ERBB3: variants seen among roughly 807,000 people sequenced by gnomAD.
The protein encoded by ERBB3 is receptor tyrosine-protein kinase erbB-3.
A neutral mutation model predicts 156.7 loss-of-function variants in ERBB3; 96 were observed. The ratio of observed to expected loss-of-function variants is 0.61; its 90% confidence interval spans 0.52 to 0.73. ERBB3 has a LOEUF of 0.73. Among genes scored for constraint, ERBB3 ranks in the 30% least tolerant of loss-of-function variants. The pLI is 0.00. For synonymous variants in ERBB3, 567 were observed against 632.0 expected (o/e 0.90, Z 1.54); for missense variants, 1,406 against 1,709.4 (o/e 0.82, Z 3.13).
In ERBB3 at chr12:56,080,386, A is replaced by G. The variant is rs376243222; in HGVS notation, c.82+4A>G. On this transcript the variant is annotated splice_donor_region_variant and intron_variant, in intron 1 of 27. Coordinates refer to ENST00000267101, the MANE Select transcript of ERBB3 (RefSeq NM_001982.4). ...GAGGTGGGCAACTCTCAGGCAGGTA[A>G]GTGGCGCGAGAGCACCGGCGGGCTC... The G allele has an allele frequency of 1.2e-5, 19 of 1,589,058 alleles. No homozygotes were observed. The African/African-American group carries it at 2.5e-4, about 21-fold the overall frequency.
At chr12:56,100,277 G>A (rs2136826864) in intron 26 of ERBB3, 32 bp downstream of exon 26, 1 of 1,514,824 alleles carries the variant, frequency 6.6e-7, no homozygotes, top group Admixed American at 1.7e-5. Context: ...CTGGGTTTTA[G>A]GATCAGATTG....
intron 18 of ERBB3, 31 bp from the exon 19 acceptor site, chr12:56,096,717 C>T (rs370066418): frequency 6.2e-7 from 1 of 1,612,180 alleles, no homozygotes; most frequent in Non-Finnish European, 8.5e-7. Flanking sequence ...GGAGAATGAC[C>T]TTATGCCAAC....
chr12:56,093,312 G>A (rs1868776044), intron 11 of ERBB3, 33 bp from the exon 12 acceptor site: 3 of 1,571,088 alleles, frequency 1.9e-6, no homozygotes, highest in Non-Finnish European at 8.8e-7. Flanking sequence ...TCCCTTAGTA[G>A]TCTCTCCTCT....
chr12:56,087,596 T>G lies in ERBB3; in HGVS notation c.567T>G (p.Val189=), dbSNP rs1413859595. The change falls in exon 5 of 28, where the codon GTT becomes GTG. Residue 189 remains valine, a synonymous_variant. Coordinates refer to ENST00000267101, the MANE Select transcript of ERBB3 (RefSeq NM_001982.4). The part of the protein sequence containing the change: ...NGRSCPPCHE[V]CKGRCWGPGS... ...AACCAGGTCCCCCCTGTCATGAGGTTTGCAAGGGGCGATGCTGGGGTCCTG... is the reference window on the plus strand; with the variant it reads ...AACCAGGTCCCCCCTGTCATGAGGTGTGCAAGGGGCGATGCTGGGGTCCTG... The G allele has an allele frequency of 6.2e-7, 1 of 1,614,154 alleles. No individual in the cohort carries two copies. Among genetic ancestry groups the G allele is most frequent in the East Asian group, 2.2e-5 (1 of 44,890 alleles).
intron 21 of ERBB3, 198 bp downstream of exon 21, chr12:56,098,138 C>T (rs1008630886): frequency 1.6e-6 from 1 of 617,412 alleles, no homozygotes; most frequent in Non-Finnish European, 2.8e-6. Context: ...GGCGCGGTGG[C>T]TCACGCCTGT....
At chr12:56,086,772 A>C in intron 4 of ERBB3, 116 bp downstream of exon 4, 48 of 1,287,214 alleles carry the variant, frequency 3.7e-5, no homozygotes, top group Non-Finnish European at 4.8e-5. Flanking sequence ...CAAACACCTC[A>C]GGTCCCTGAC....
rs776770257 is a variant in ERBB3, at chr12:56,094,096, C to G, written c.1614-3C>G. On this transcript the variant is annotated splice_polypyrimidine_tract_variant and splice_region_variant and intron_variant, in intron 13 of 27. Coordinates refer to ENST00000267101, the MANE Select transcript of ERBB3 (RefSeq NM_001982.4). The stretch of plus-strand genomic sequence containing the variant: ...CCCCCCCTCCCTTTATTCCCCACTA[C>G]AGGGAGCCTCGAGAATTTGCCCATG... 1 of 1,611,908 alleles carries G rather than the reference C, an allele frequency of 6.2e-7. No individual in the cohort carries two copies. Among genetic ancestry groups the G allele is most frequent in the Non-Finnish European group, 8.5e-7 (1 of 1,178,150 alleles).
At chr12:56,097,340 T>A (rs1188842362) in intron 20 of ERBB3, 110 bp downstream of exon 20, 6 of 1,018,638 alleles carry the variant, frequency 5.9e-6, no homozygotes, top group Non-Finnish European at 9.1e-6. Flanking sequence ...ACCCCCGGGC[T>A]GCAGACTGGT....
At chr12:56,100,128 A>G (rs1869040104) in intron 25 of ERBB3, 46 bp from the exon 26 acceptor site, 5 of 1,598,346 alleles carry the variant, frequency 3.1e-6, no homozygotes, top group African/African-American at 1.3e-5. Context: ...TGGTGAATGT[A>G]GATTTCTCCC....
In ERBB3 at chr12:56,097,141, C is replaced by T. The variant is rs1369051926; in HGVS notation, c.2371C>T (p.Pro791Ser). The change falls in exon 20 of 28, where the codon CCT becomes TCT. Residue 791 changes from proline to serine, a missense_variant. Around this residue, in one of 3 missense-constraint regions of ERBB3, gnomAD observed 979 missense variants for 1,219.6 expected, o/e 0.80. Coordinates refer to ENST00000267101, the MANE Select transcript of ERBB3 (RefSeq NM_001982.4). ...SSLQLVTQYLPLGSLLDHVRQ... is the reference protein window; with the variant it reads ...SSLQLVTQYLSLGSLLDHVRQ... ...TCTGCAGCTTGTCACTCAATATTTG[C>T]CTCTGGGTTCTCTGCTGGATCATGT... is the stretch of plus-strand genomic sequence containing the variant. 7 of 1,614,008 alleles carry T rather than the reference C, an allele frequency of 4.3e-6. No homozygotes were observed. The highest frequency in any genetic ancestry group is 4.0e-5 in the African/African-American group (3 of 74,898).
intron 9 of ERBB3, among the ~76,000 whole-genome samples, chr12:56,092,193 G>A (rs1367260568): frequency 1.3e-5 from 2 of 150,978 alleles, no homozygotes; most frequent in African/African-American, 4.9e-5. Flanking sequence ...TTCAAGACCA[G>A]CCTGGCCAGC....
In ERBB3 at chr12:56,093,493, C is replaced by T. The variant is rs1035001455; in HGVS notation, c.1423C>T (p.Arg475Trp). Residue 475 changes from arginine to tryptophan, a missense_variant, in exon 12 of 28, where the codon CGG (arginine) becomes TGG (tryptophan). Arg to Trp is a moderately radical substitution (Grantham distance 101). Coordinates refer to ENST00000267101, the MANE Select transcript of ERBB3 (RefSeq NM_001982.4). Reference protein sequence around the residue: ...HHSLNWTKVLRGPTEERLDIK... With the variant: ...HHSLNWTKVLWGPTEERLDIK... ...CTCTTTGAACTGGACCAAGGTGCTT[C>T]GGGGGCCTACGGAAGAGCGACTAGA... 1.2e-6 allele frequency: 2 copies of T among 1,613,814 alleles called. No individual in the cohort carries two copies. The highest frequency in any genetic ancestry group is 1.7e-6 in the Non-Finnish European group (2 of 1,179,930).
At chr12:56,093,932 G>A (rs778752060) in intron 13 of ERBB3, 36 bp downstream of exon 13, 26 of 1,612,132 alleles carry the variant, frequency 1.6e-5, no homozygotes, top group Non-Finnish European at 2.1e-5. Context: ...ATGGGTGGGG[G>A]TGGGGCCCTG....
chr12:56,101,935 C>T lies in ERBB3; in HGVS notation c.3909C>T (p.Pro1303=). Residue 1303 remains proline, a synonymous_variant, in exon 28 of 28, where the codon CCC becomes CCT. Coordinates refer to ENST00000267101, the MANE Select transcript of ERBB3 (RefSeq NM_001982.4). ...RAFQGPGHQA[P]HVHYARLKTL... is the part of the protein sequence containing the mutation. ...TTCAGGGGCCTGGACATCAGGCCCC[C>T]CATGTCCATTATGCCCGCCTAAAAA... 6.2e-7 allele frequency: 1 copy of T among 1,613,274 alleles called. No individual in the cohort carries two copies. The highest frequency in any genetic ancestry group is 8.5e-7 in the Non-Finnish European group (1 of 1,179,674).
intron 11 of ERBB3, 44 bp downstream of exon 11, chr12:56,093,120 G>A (rs772887693): frequency 6.9e-7 from 1 of 1,443,744 alleles, no homozygotes; most frequent in South Asian, 1.1e-5. Context: ...AGGCAATGAA[G>A]CCTGTGTCAT....
intron 27 of ERBB3, 42 bp from the exon 28 acceptor site, chr12:56,101,487 A>T (rs367759159): frequency 6.2e-7 from 1 of 1,608,690 alleles, no homozygotes; most frequent in African/African-American, 1.3e-5. Context: ...CCCTACCCTC[A>T]TGAAGTTCTT....
In ERBB3 at chr12:56,081,038, C is replaced by T. The variant is rs562548767; in HGVS notation, c.82+656C>T. Among the ~76,000 whole-genome samples, 14 of 152,334 alleles carry T rather than the reference C, an allele frequency of 9.2e-5. No homozygotes were observed. In the South Asian group the frequency reaches 2.9e-3, roughly 32 times the overall value. ...CTTAAGCAACATCTCTTTGTCAAGA[C>T]CCAGGTCAACACAACTCATATTTAT... is the stretch of plus-strand genomic sequence containing the variant. On this transcript the variant is annotated intron_variant, in intron 1 of 27. Transcript: ENST00000267101.
chr12:56,086,922 G>A (rs1017562872), intron 4 of ERBB3, among the ~76,000 whole-genome samples: 1 of 152,054 alleles, frequency 6.6e-6, no homozygotes, highest in Non-Finnish European at 1.5e-5. Flanking sequence ...TGGGAGGATC[G>A]CTTGAGCCCA....
Position 56,097,998 on chromosome 12 carries a change from C to T in ERBB3, c.2616+58C>T, listed in dbSNP as rs372003359. On this transcript the variant is annotated intron_variant, in intron 21 of 27. Coordinates refer to ENST00000267101, the MANE Select transcript of ERBB3 (RefSeq NM_001982.4). ...TGGAGTGAAGCATGGGGATAGGGAG[C>T]AGCCAGTGGTCTCTTCCAGAGGCAA... 1.7e-5 allele frequency: 26 copies of T among 1,566,108 alleles called. No homozygotes were observed. In the East Asian group the frequency reaches 4.7e-4, roughly 28 times the overall value.
Sources: gnomAD v4.1 joint callset for allele counts (sites outside exome capture counted in the v4.1 genomes callset) on GRCh38, gnomAD v4.1.1 for gene constraint, gnomAD v4.1.1 regional missense constraint, MANE v1.5 for transcripts, NCBI Gene and HGNC (gene_info 2026-07-23, HGNC 2026-07-21) for gene names.